Variants in CD1A observed in about 807,000 individuals in gnomAD.
CD1A encodes the protein CD1a molecule.
A neutral mutation model predicts 38.3 loss-of-function variants in CD1A; 50 were observed. The ratio of observed to expected loss-of-function variants is 1.30; its 90% confidence interval spans 1.04 to 1.65. The LOEUF is 1.65. CD1A is among the 40% of genes most tolerant of loss of function. CD1A has a pLI of 0.00. For missense variants in CD1A, 459 were observed against 406.1 expected (o/e 1.13, Z -1.12); for synonymous variants, 160 against 150.8 (o/e 1.06, Z -0.45).
At position 158,255,116 on chromosome 1, in the gene CD1A, T is replaced by C; in HGVS notation, c.91T>C (p.Trp31Arg). 6.2e-7 allele frequency: 1 copy of C among 1,614,124 alleles called. No homozygotes were observed. Among genetic ancestry groups the C allele is most frequent in the Non-Finnish European group, 8.5e-7 (1 of 1,180,006 alleles). The change falls in exon 2 of 6, where the codon TGG becomes CGG. Residue 31 changes from tryptophan to arginine, a missense_variant. By Grantham distance (101) the Trp-to-Arg change is moderately radical. Coordinates refer to ENST00000289429, the MANE Select transcript of CD1A (RefSeq NM_001763.3). ...LKEPLSFHVTWIASFYNHSWK... is the reference protein window; with the variant it reads ...LKEPLSFHVTRIASFYNHSWK... Reference sequence around the variant, plus strand: ...GGAGCCTCTCTCCTTCCATGTCACCTGGATCGCATCCTTTTACAACCATTC... The same window carrying C: ...GGAGCCTCTCTCCTTCCATGTCACCCGGATCGCATCCTTTTACAACCATTC...
At chr1:158,254,391 G>A (rs1650170826), upstream of CD1A, 1 of 1,285,282 alleles carries the variant, frequency 7.8e-7, no homozygotes, top group Non-Finnish European at 9.9e-7. Context: ...CATCAGACTT[G>A]TTCCATAGCA....
chr1:158,254,815 G>T, intron 1 of CD1A, 88 bp downstream of exon 1: 1 of 914,660 alleles, frequency 1.1e-6, no homozygotes, highest in Non-Finnish European at 1.8e-6. Flanking sequence ...GTGTGTGTGT[G>T]TGTGTGTGTG....
At chr1:158,255,386 G>T in intron 2 of CD1A, 36 bp downstream of exon 2, 1 of 1,598,452 alleles carries the variant, frequency 6.3e-7, no homozygotes, top group East Asian at 2.2e-5. Flanking sequence ...GTGGTGAGGT[G>T]GGAGAGAGGG....
intron 4 of CD1A, 43 bp from the exon 5 acceptor site, chr1:158,257,378 T>C: frequency 6.9e-7 from 1 of 1,443,386 alleles, no homozygotes; most frequent in Non-Finnish European, 9.8e-7. Context: ...TGAGGTAAAA[T>C]GGGATGGATT....
chr1:158,251,494 T>C (rs1650087802), upstream of CD1A, among the ~76,000 whole-genome samples: 1 of 152,220 alleles, frequency 6.6e-6, no homozygotes, highest in Non-Finnish European at 1.5e-5. Context: ...ATGTCTCCAC[T>C]CTCAGGTTTT....
chr1:158,251,148 A>G, upstream of CD1A, among the ~76,000 whole-genome samples: 1 of 152,380 alleles, frequency 6.6e-6, no homozygotes, highest in East Asian at 1.9e-4. Context: ...AAAATATTTT[A>G]AAGAAAATCA....
chr1:158,254,144 C>T (rs576772535), upstream of CD1A: 190 of 973,508 alleles, frequency 2.0e-4, no homozygotes, highest in Non-Finnish European at 2.1e-4. Flanking sequence ...ACAGGGCAGT[C>T]GTAGGAGACT....
chr1:158,256,633 T>A (rs1166060729), intron 3 of CD1A, among the ~76,000 whole-genome samples, 153 bp from the exon 4 acceptor site: 3 of 151,130 alleles, frequency 2.0e-5, no homozygotes, highest in Non-Finnish European at 4.4e-5. Context: ...TTTATAATTA[T>A]GCCACTGCAT....
At position 158,256,957 on chromosome 1, in the gene CD1A, C is replaced by T. The variant is rs759735425; in HGVS notation, c.776C>T (p.Thr259Ile). 17 of 1,614,038 alleles carry T rather than the reference C, an allele frequency of 1.1e-5. No homozygotes were observed. Among genetic ancestry groups the T allele is most frequent in the African/African-American group, 1.3e-5 (1 of 74,914 alleles). ...RGDILPSADGTWYLRATLEVA... is the reference protein window; with the variant it reads ...RGDILPSADGIWYLRATLEVA... Reference sequence around the variant, plus strand: ...GACATCTTGCCCAGTGCTGATGGGACATGGTATCTCCGCGCAACCCTGGAG... The same window carrying T: ...GACATCTTGCCCAGTGCTGATGGGATATGGTATCTCCGCGCAACCCTGGAG... The change falls in exon 4 of 6, where the codon ACA (threonine) becomes ATA (isoleucine). Residue 259 changes from threonine to isoleucine, a missense_variant. Physicochemically the swap from Thr to Ile is moderately conservative, Grantham distance 89. Coordinates refer to ENST00000289429, the MANE Select transcript of CD1A (RefSeq NM_001763.3).
At chr1:158,250,971 C>T (rs1202853844), upstream of CD1A, among the ~76,000 whole-genome samples, 1 of 152,120 alleles carries the variant, frequency 6.6e-6, no homozygotes, top group African/African-American at 2.4e-5. Flanking sequence ...TGATGACGGC[C>T]CCGTGCAGTC....
chr1:158,255,793 T>C lies in CD1A; in HGVS notation c.326-211T>C, dbSNP rs138894490. 2.0e-3 allele frequency among the ~76,000 whole-genome samples: 312 copies of C among 152,262 alleles called. 1 individual carries two copies. The highest frequency in any genetic ancestry group is 6.6e-3 in the South Asian group (32 of 4,826). On this transcript the variant is annotated intron_variant, in intron 2 of 5. Coordinates refer to ENST00000289429, the MANE Select transcript of CD1A (RefSeq NM_001763.3). ...ACCCACAGCATTCACATCACCTTCT[T>C]TGACCAGTTTGCCCTCTTCCTCATG...
chr1:158,249,609 A>G (rs375585174), upstream of CD1A, among the ~76,000 whole-genome samples: 5 of 152,352 alleles, frequency 3.3e-5, no homozygotes, highest in South Asian at 1.0e-3. Context: ...GTATTCAAAT[A>G]GGCAGGAGAA....
the CD1A span, chr1:158,248,497 GGC>G: frequency 1.2e-6 from 1 of 805,236 alleles, no homozygotes. Flanking sequence ...AAGGTTTGGT[GGC>G]AAAGGGAAGA....
chr1:158,257,606 A>C (rs750502563), intron 5 of CD1A, 75 bp from the exon 6 acceptor site: 107 of 1,570,064 alleles, frequency 6.8e-5, no homozygotes, highest in Non-Finnish European at 9.6e-6. Context: ...TTCTCTCCCC[A>C]GTCCCCTTCC....
Position 158,255,216 on chromosome 1 carries a change from T to C in CD1A, c.191T>C (p.Ile64Thr), listed in dbSNP as rs750728957. 1 of 1,613,994 alleles carries C rather than the reference T, an allele frequency of 6.2e-7. No homozygotes were observed. The highest frequency in any genetic ancestry group is 8.5e-7 in the Non-Finnish European group (1 of 1,180,016). The part of the protein sequence containing the change: ...THTWDSNSST[I>T]VFLCPWSRGN... ...ACCTGGGACAGCAATTCCAGCACCA[T>C]CGTTTTCCTGTGCCCCTGGTCCAGG... Residue 64 changes from isoleucine (I) to threonine (T), a missense_variant, in exon 2 of 6, where the codon ATC (isoleucine) becomes ACC (threonine). Physicochemically the swap from Ile to Thr is moderately conservative, Grantham distance 89 (BLOSUM62 -1). Transcript: ENST00000289429.
chr1:158,255,095 C>A lies in CD1A; in HGVS notation c.70C>A (p.Pro24Thr), dbSNP rs1038767555. The change falls in exon 2 of 6, where the codon CCT (proline) becomes ACT (threonine). Residue 24 changes from proline (P) to threonine (T), a missense_variant. Transcript: ENST00000289429. ...TTCTTTTGTCGCAGGGCTCAAGGAG[C>A]CTCTCTCCTTCCATGTCACCTGGAT... is the stretch of plus-strand genomic sequence containing the variant. ...GDGNADGLKE[P>T]LSFHVTWIAS... The A allele has an allele frequency of 6.2e-7, 1 of 1,613,756 alleles. No homozygotes were observed. The highest frequency in any genetic ancestry group is 1.7e-5 in the Admixed American group (1 of 59,994).
chr1:158,255,326 T>TA lies in CD1A; in HGVS notation c.302dup (p.Tyr101Ter). 1 of 1,614,098 alleles carries TA rather than the reference T, an allele frequency of 6.2e-7. No homozygotes were observed. Among genetic ancestry groups the TA allele is most frequent in the Non-Finnish European group, 8.5e-7 (1 of 1,179,980 alleles). ...TCGGTCATTTGAGGGAATTCGTAGA[T>TA]ACGCCCATGAATTGCAGTTTGAATG... Reference protein sequence around the residue: ...TIRSFEGIRRYAHELQFEYPF... With the variant: ...TIRSFEGIRR Residue 101 changes from tyrosine to a stop codon, truncating the protein, a stop_gained and frameshift_variant, in exon 2 of 6, where the codon TAC (tyrosine) becomes TAAC (stop). Coordinates refer to ENST00000289429, the MANE Select transcript of CD1A (RefSeq NM_001763.3). LOFTEE classifies it high-confidence loss of function.
At position 158,256,108 on chromosome 1, in the gene CD1A, C is replaced by T. The variant is rs1199311403; in HGVS notation, c.430C>T (p.Gln144Ter). 3 of 1,613,988 alleles carry T rather than the reference C, an allele frequency of 1.9e-6. No homozygotes were observed. The highest frequency in any genetic ancestry group is 4.5e-5 in the East Asian group (2 of 44,886). ...TCAAGGATCAGACTTTGTGAGCTTC[C>T]AGAACAATTCATGGTTGCCATATCC... ...AYQGSDFVSFQNNSWLPYPVA... is the reference protein window; with the variant it reads ...AYQGSDFVSF The change falls in exon 3 of 6, where the codon CAG becomes TAG. Residue 144 changes from glutamine (Q) to a stop codon, truncating the protein, a stop_gained. Transcript: ENST00000289429. LOFTEE classifies it high-confidence loss of function.
At chr1:158,248,500 A>T in the CD1A span, 1 of 766,736 alleles carries the variant, frequency 1.3e-6, no homozygotes, top group Non-Finnish European at 1.6e-6. Context: ...GTTTGGTGGC[A>T]AAGGGAAGAA....
Sources: gnomAD v4.1 joint callset for allele counts (sites outside exome capture counted in the v4.1 genomes callset) on GRCh38, gnomAD v4.1.1 for gene constraint, MANE v1.5 for transcripts, NCBI Gene and HGNC (gene_info 2026-07-23, HGNC 2026-07-21) for gene names.